NALF1: variants seen among roughly 807,000 people sequenced by gnomAD.
NALF1 encodes the protein family with sequence similarity 155 member A.
Under a neutral mutation model 48.4 loss-of-function variants are expected in NALF1, and 3 were observed. That is an observed-to-expected ratio of 0.06 (90% CI 0.03 to 0.16). The LOEUF is 0.16. NALF1 is among the 10% of genes least tolerant of loss of function. The pLI is 1.00. For synonymous variants in NALF1, 262 were observed against 245.7 expected, an observed-to-expected ratio of 1.07 and a Z score of -0.62; for missense variants, 526 against 571.5, an observed-to-expected ratio of 0.92 and a Z score of 0.81.
intron 1 of NALF1, among the ~76,000 whole-genome samples, chr13:107,753,186 A>T (rs1214861436): frequency 6.6e-6 from 1 of 152,062 alleles, no homozygotes. Context: ...ATATCTGTCC[A>T]CTCATCCACA....
intron 1 of NALF1, among the ~76,000 whole-genome samples, chr13:107,717,751 C>A (rs762153963): frequency 5.3e-5 from 8 of 152,176 alleles, no homozygotes; most frequent in Non-Finnish European, 8.8e-5. Context: ...GCTTCCTTCT[C>A]TTTCTCCCCA....
At chr13:107,204,600 A>C (rs1879595826) in intron 2 of NALF1, among the ~76,000 whole-genome samples, 1 of 152,236 alleles carries the variant, frequency 6.6e-6, no homozygotes, top group Non-Finnish European at 1.5e-5. Context: ...ATCTGAACTC[A>C]AACCTAAAGA....
At chr13:107,557,234 C>A (rs991769042) in intron 1 of NALF1, among the ~76,000 whole-genome samples, 23 of 152,256 alleles carry the variant, frequency 1.5e-4, no homozygotes, top group African/African-American at 5.1e-4. Flanking sequence ...GCATTGTAAC[C>A]CTTTTAGCAC....
chr13:107,583,084 T>C (rs1442426096), intron 1 of NALF1, among the ~76,000 whole-genome samples: 1 of 152,194 alleles, frequency 6.6e-6, no homozygotes, highest in Non-Finnish European at 1.5e-5. Flanking sequence ...GAACACTTCT[T>C]GAAAGATTTC....
intron 1 of NALF1, among the ~76,000 whole-genome samples, chr13:107,477,478 C>G (rs997788929): frequency 6.6e-6 from 1 of 152,088 alleles, no homozygotes; most frequent in Non-Finnish European, 1.5e-5. Flanking sequence ...TCTTAAATAA[C>G]TTGAGTCCAG....
intron 1 of NALF1, among the ~76,000 whole-genome samples, chr13:107,330,903 A>C (rs1232318987): frequency 6.6e-6 from 1 of 152,200 alleles, no homozygotes; most frequent in Non-Finnish European, 1.5e-5. Flanking sequence ...CTTGTGCCAT[A>C]GCCTTTTTCT....
At chr13:107,441,727 G>A (rs991269982) in intron 1 of NALF1, among the ~76,000 whole-genome samples, 3 of 152,126 alleles carry the variant, frequency 2.0e-5, no homozygotes, top group Admixed American at 2.0e-4. Context: ...AAAGGAATGG[G>A]GTGATTTCAG....
chr13:107,782,629 A>G (rs1877929568), intron 1 of NALF1, among the ~76,000 whole-genome samples: 1 of 147,942 alleles, frequency 6.8e-6, no homozygotes, highest in Non-Finnish European at 1.5e-5. Flanking sequence ...CCCGGCCGCC[A>G]TCCCATCTAG....
chr13:107,404,075 G>C (rs188528771), intron 1 of NALF1, among the ~76,000 whole-genome samples: 193 of 152,180 alleles, frequency 1.3e-3, no homozygotes, highest in Non-Finnish European at 2.0e-3. Flanking sequence ...GATAATGAAA[G>C]TATAAACATT....
In NALF1 at chr13:107,164,301, C is replaced by G. The variant is rs542854659; in HGVS notation, c.*6196G>C. 62 of 152,238 alleles carry G rather than the reference C, an allele frequency of 4.1e-4. No homozygotes were observed. Among genetic ancestry groups the G allele is most frequent in the Non-Finnish European group, 7.1e-4 (48 of 68,004 alleles). 9.4% of individuals were successfully genotyped at this position (152,238 alleles called of 1,614,324 possible). On this transcript the variant is annotated 3_prime_UTR_variant, in exon 3 of 3. Transcript: ENST00000375915. ...CTCAAGAGCCCTGCTTAATCTATTT[C>G]CATATACTTTATCAAAAACTGAACA...
chr13:107,644,738 G>C (rs951540684), intron 1 of NALF1, among the ~76,000 whole-genome samples: 3 of 148,684 alleles, frequency 2.0e-5, no homozygotes, highest in Non-Finnish European at 3.0e-5. Flanking sequence ...CTAAAACATG[G>C]TCTTAAACAT....
chr13:107,611,763 A>G (rs930091084), intron 1 of NALF1, among the ~76,000 whole-genome samples: 1 of 151,442 alleles, frequency 6.6e-6, no homozygotes, highest in Non-Finnish European at 1.5e-5. Context: ...ATAAAAAAAG[A>G]GAACAAAAAA....
At chr13:107,792,100 T>A (rs1878261664) in intron 1 of NALF1, among the ~76,000 whole-genome samples, 1 of 152,218 alleles carries the variant, frequency 6.6e-6, no homozygotes, top group African/African-American at 2.4e-5. Context: ...ACTTTGGCTC[T>A]GAGGAAGCTT....
In NALF1 at chr13:107,843,037, G is replaced by A. The variant is rs184723611; in HGVS notation, c.915+22645C>T. On this transcript the variant is annotated intron_variant, in intron 1 of 2. Transcript: ENST00000375915. The stretch of plus-strand genomic sequence containing the variant: ...CATATTATCCAGGCCACTGATACCT[G>A]CCTAGGCAGTAGAAATACATTTAAC... Among the ~76,000 whole-genome samples the A allele has an allele frequency of 5.6e-4, 86 of 152,290 alleles. 1 individual carries two copies. Among genetic ancestry groups the A allele is most frequent in the African/African-American group, 2.0e-3 (83 of 41,562 alleles).
intron 1 of NALF1, among the ~76,000 whole-genome samples, chr13:107,741,221 T>C (rs933195032): frequency 8.5e-5 from 13 of 152,236 alleles, no homozygotes; most frequent in African/African-American, 1.2e-4. Flanking sequence ...AATTGGATTC[T>C]GGAATTCCAC....
chr13:107,722,901 G>A (rs200744496), intron 1 of NALF1, among the ~76,000 whole-genome samples: 1 of 152,196 alleles, frequency 6.6e-6, no homozygotes, highest in East Asian at 1.9e-4. Context: ...TGCTGTACAT[G>A]GCGGCTCTGA....
chr13:107,677,829 C>CTCAA (rs1555317315), intron 1 of NALF1, among the ~76,000 whole-genome samples: 87 of 151,750 alleles, frequency 5.7e-4, no homozygotes, highest in African/African-American at 2.1e-3. Context: ...TGAAAGCAAA[C>CTCAA]ACAAGCAAAC....
intron 1 of NALF1, among the ~76,000 whole-genome samples, chr13:107,837,600 A>G (rs1407302986): frequency 6.6e-6 from 1 of 152,156 alleles, no homozygotes; most frequent in African/African-American, 2.4e-5. Flanking sequence ...CTGAGAACAC[A>G]GGGAAATATC....
intron 1 of NALF1, among the ~76,000 whole-genome samples, chr13:107,749,008 A>C (rs1278633121): frequency 6.6e-6 from 1 of 152,104 alleles, no homozygotes; most frequent in African/African-American, 2.4e-5. Flanking sequence ...GAGTCACATA[A>C]CTATCATTAT....
Sources: allele counts gnomAD v4.1 joint callset (sites outside exome capture counted in the v4.1 genomes callset), GRCh38; gene constraint gnomAD v4.1.1; transcripts MANE v1.5; gene names NCBI Gene and HGNC (gene_info 2026-07-23, HGNC 2026-07-21).